The following GRAMD1B variants were observed in gnomAD, a reference collection of about 807,000 sequenced individuals.
GRAMD1B encodes protein Aster-B.
Under a neutral mutation model 99.7 loss-of-function variants are expected in GRAMD1B, and 37 were observed. That is an observed-to-expected ratio of 0.37 (90% CI 0.29 to 0.49). The LOEUF (loss-of-function observed/expected upper bound fraction) is 0.49, where lower values mean the gene tolerates loss of function less well. Ranked by LOEUF, GRAMD1B falls within the 20% of genes least tolerant of loss-of-function variation. The probability of loss-of-function intolerance (pLI) is 0.98; values close to 1 mark genes in which losing one functional copy is unlikely to be tolerated. For missense variants in GRAMD1B, 888 were observed against 1,009.2 expected (o/e 0.88, Z 1.63); for synonymous variants, 427 against 387.6 (o/e 1.10, Z -1.19).
rs1426946377 is a variant in GRAMD1B at position 123,449,702 on chromosome 11, CA to C, written c.374+18537del. On this transcript the variant is annotated intron_variant, in intron 1 of 19. Coordinates refer to ENST00000635736, the MANE Select transcript of GRAMD1B (RefSeq NM_001387025.1). The stretch of plus-strand genomic sequence containing the variant: ...AATAGCTGGGTCTGCAGATGCATGC[CA>C]CCATGCCTGGCTTTTTTTTTTTTTT... Among the ~76,000 whole-genome samples the C allele has an allele frequency of 3.2e-5, 4 of 123,302 alleles. 1 individual carries two copies. The East Asian group carries it at 1.0e-3, about 31-fold the overall frequency. 80.9% of individuals were successfully genotyped at this position (123,302 alleles called of 152,430 possible). A position where few individuals can be genotyped will look rare whatever the true frequency, so the allele number is the denominator to read the frequency against.
chr11:123,501,945 G>T (rs1420061261), intron 2 of GRAMD1B, among the ~76,000 whole-genome samples: 1 of 152,234 alleles, frequency 6.6e-6, no homozygotes, highest in African/African-American at 2.4e-5. Context: ...AAACAGAGCT[G>T]TTGTCTTACC....
chr11:123,393,214 G>T (rs1947341128), intron 1 of GRAMD1B, among the ~76,000 whole-genome samples: 1 of 152,208 alleles, frequency 6.6e-6, no homozygotes, highest in South Asian at 2.1e-4. Context: ...ATAACACGCA[G>T]TTATTAGGGA....
chr11:123,415,029 T>C (rs1464273030), intron 1 of GRAMD1B, among the ~76,000 whole-genome samples: 2 of 152,144 alleles, frequency 1.3e-5, no homozygotes, highest in South Asian at 4.1e-4. Flanking sequence ...AGCAGGTTTG[T>C]ATGAAAGGCC....
intron 2 of GRAMD1B, among the ~76,000 whole-genome samples, chr11:123,506,623 G>A (rs1462696372): frequency 3.9e-5 from 6 of 152,094 alleles, no homozygotes; most frequent in Non-Finnish European, 8.8e-5. Context: ...AAAGCAAAAA[G>A]CAAATACATA....
At chr11:123,499,824 A>G (rs1939676386) in intron 2 of GRAMD1B, among the ~76,000 whole-genome samples, 2 of 152,230 alleles carry the variant, frequency 1.3e-5, no homozygotes, top group Admixed American at 1.3e-4. Context: ...GAATTAGTCA[A>G]TTGAATTTAG....
At chr11:123,600,581 A>G (rs1408168025) in intron 8 of GRAMD1B, 33 bp downstream of exon 8, 3 of 1,373,392 alleles carry the variant, frequency 2.2e-6, no homozygotes, top group Non-Finnish European at 3.1e-6. Context: ...TTACTGTGGG[A>G]CTGGCTATCT....
intron 3 of GRAMD1B, among the ~76,000 whole-genome samples, chr11:123,580,113 A>T (rs975078412): frequency 6.6e-6 from 1 of 152,246 alleles, no homozygotes; most frequent in South Asian, 2.1e-4. Flanking sequence ...CATCCTTTCA[A>T]TGGAGTTAAA....
At chr11:123,589,859 G>A (rs1296395602) in intron 4 of GRAMD1B, among the ~76,000 whole-genome samples, 1 of 152,014 alleles carries the variant, frequency 6.6e-6, no homozygotes, top group African/African-American at 2.4e-5. Flanking sequence ...TAAGACAAAA[G>A]CACCATTCCT....
At chr11:123,427,068 C>T (rs897711138), upstream of GRAMD1B, among the ~76,000 whole-genome samples, 1 of 151,970 alleles carries the variant, frequency 6.6e-6, no homozygotes, top group African/African-American at 2.4e-5. Context: ...GGAATGGGGG[C>T]AAAGGTGAGG....
At chr11:123,386,655 G>T (rs186049953) in intron 1 of GRAMD1B, among the ~76,000 whole-genome samples, 14 of 152,070 alleles carry the variant, frequency 9.2e-5, no homozygotes, top group African/African-American at 3.4e-4. Context: ...CACCATGTTG[G>T]CCAGGCTGGT....
At position 123,546,490 on chromosome 11, in the gene GRAMD1B, G is replaced by T. The variant is rs138973463; in HGVS notation, c.453-30877G>T. Among the ~76,000 whole-genome samples the T allele has an allele frequency of 1.3e-3, 202 of 152,118 alleles. 1 individual carries two copies. The highest frequency in any genetic ancestry group is 4.7e-3 in the African/African-American group (196 of 41,496). On this transcript the variant is annotated intron_variant, in intron 2 of 19. Coordinates refer to ENST00000635736, the MANE Select transcript of GRAMD1B (RefSeq NM_001387025.1). ...TATTCACTACTTAGGAGACTTATTT[G>T]TCCAGCTGCTTATGAATATGGCATG...
chr11:123,384,987 G>C (rs1947007196), intron 1 of GRAMD1B, among the ~76,000 whole-genome samples: 1 of 152,184 alleles, frequency 6.6e-6, no homozygotes, highest in Non-Finnish European at 1.5e-5. Flanking sequence ...ATAATTTGCA[G>C]AACCCTACTC....
At chr11:123,431,251 C>T in intron 1 of GRAMD1B, 85 bp downstream of exon 1, 1 of 612,330 alleles carries the variant, frequency 1.6e-6, no homozygotes, top group Non-Finnish European at 2.9e-6. Flanking sequence ...CTGGGGGAAA[C>T]GTCCTGGGGG....
chr11:123,586,315 C>T (rs1446437023), intron 4 of GRAMD1B, among the ~76,000 whole-genome samples: 1 of 152,206 alleles, frequency 6.6e-6, no homozygotes, highest in African/African-American at 2.4e-5. Flanking sequence ...CTGCATCATC[C>T]TCCTAGATGT....
At position 123,627,031 on chromosome 11, in the gene GRAMD1B, C is replaced by T. The variant is rs957810366; in HGVS notation, c.*4436C>T. 1.3e-5 allele frequency: 2 copies of T among 152,228 alleles called. No individual in the cohort carries two copies. The highest frequency in any genetic ancestry group is 2.9e-5 in the Non-Finnish European group (2 of 68,074). The allele number at this position is 152,228 out of a possible 1,614,324, so 9.4% of individuals were successfully genotyped here. A position where few individuals can be genotyped will look rare whatever the true frequency, so the allele number is the denominator to read the frequency against. ...ATGTTCTGTGCAACAGCTCCGGGGT[C>T]TTGTGACTGGAGATCCTCAACAGGC... is the stretch of plus-strand genomic sequence containing the variant. On this transcript the variant is annotated 3_prime_UTR_variant, in exon 20 of 20. Transcript: ENST00000635736.
chr11:123,460,851 T>C (rs1454817748), intron 1 of GRAMD1B, among the ~76,000 whole-genome samples: 1 of 152,158 alleles, frequency 6.6e-6, no homozygotes. Context: ...AATCCCCTGC[T>C]CCTACGTTTC....
At chr11:123,528,152 C>T (rs1942991095) in intron 2 of GRAMD1B, among the ~76,000 whole-genome samples, 1 of 152,088 alleles carries the variant, frequency 6.6e-6, no homozygotes, top group African/African-American at 2.4e-5. Context: ...CCAACTGGTA[C>T]TCCCTACTCT....
intron 2 of GRAMD1B, among the ~76,000 whole-genome samples, chr11:123,550,417 A>G (rs1241848388): frequency 6.6e-6 from 1 of 152,082 alleles, no homozygotes; most frequent in Non-Finnish European, 1.5e-5. Context: ...ACACACTGAC[A>G]CATACTCTCT....
chr11:123,612,032 C>T (rs924805596), intron 14 of GRAMD1B, among the ~76,000 whole-genome samples: 1 of 151,638 alleles, frequency 6.6e-6, no homozygotes, highest in Non-Finnish European at 1.5e-5. Context: ...AGAGCAAGAG[C>T]TGGTGAGGTC....
Sources: gnomAD v4.1 joint callset for allele counts (sites outside exome capture counted in the v4.1 genomes callset) on GRCh38, gnomAD v4.1.1 for gene constraint, MANE v1.5 for transcripts, NCBI Gene and HGNC (gene_info 2026-07-23, HGNC 2026-07-21) for gene names.